The following ANKS1B variants were observed in gnomAD, a reference collection of about 807,000 sequenced individuals.
ANKS1B encodes ankyrin repeat and sterile alpha motif domain containing 1B, also known as ankyrin repeat and sterile alpha motif domain-containing protein 1B.
In ANKS1B, 36 loss-of-function variants were observed where a neutral mutation model predicts 148.3. That is an observed-to-expected ratio of 0.24 (90% CI 0.19 to 0.32). The LOEUF (loss-of-function observed/expected upper bound fraction) is 0.32, where lower values mean the gene tolerates loss of function less well. ANKS1B is among the 10% of genes least tolerant of loss of function. The pLI is 1.00. For missense variants in ANKS1B, 1,157 were observed against 1,542.6 expected, an observed-to-expected ratio of 0.75 and a Z score of 4.19; for synonymous variants, 542 against 560.8, an observed-to-expected ratio of 0.97 and a Z score of 0.47.
At chr12:98,992,574 T>G (rs1403765641) in intron 17 of ANKS1B, among the ~76,000 whole-genome samples, 5 of 152,230 alleles carry the variant, frequency 3.3e-5, no homozygotes, top group African/African-American at 1.2e-4. Context: ...CCTTCTGCTA[T>G]GATTGTAAGT....
chr12:99,943,170 A>C (rs1318423818), intron 1 of ANKS1B, among the ~76,000 whole-genome samples: 1 of 152,304 alleles, frequency 6.6e-6, no homozygotes, highest in Non-Finnish European at 1.5e-5. Context: ...CTCTGATCAA[A>C]CCACATCTGA....
intron 9 of ANKS1B, among the ~76,000 whole-genome samples, chr12:99,551,563 GGGAGGGGAGA>G: frequency 6.9e-6 from 1 of 145,058 alleles, no homozygotes; most frequent in African/African-American, 2.6e-5. Flanking sequence ...GGGAGGGGAG[GGGAGGGGAGA>G]GGAAGAATAC....
intron 1 of ANKS1B, among the ~76,000 whole-genome samples, chr12:99,828,300 T>G (rs998439607): frequency 5.9e-5 from 9 of 152,158 alleles, no homozygotes; most frequent in African/African-American, 2.2e-4. Flanking sequence ...ACTTCTGTGA[T>G]GTAAATACTT....
intron 14 of ANKS1B, among the ~76,000 whole-genome samples, chr12:99,194,361 C>T (rs908549789): frequency 2.6e-5 from 4 of 152,026 alleles, no homozygotes; most frequent in Admixed American, 1.3e-4. Context: ...TGAGGGGTCA[C>T]AGATGTGCTG....
At chr12:99,420,690 A>G (rs2152710293) in intron 11 of ANKS1B, among the ~76,000 whole-genome samples, 1 of 152,342 alleles carries the variant, frequency 6.6e-6, no homozygotes, top group South Asian at 2.1e-4. Flanking sequence ...GTATAAGTAT[A>G]TAAAGCAAGT....
intron 17 of ANKS1B, among the ~76,000 whole-genome samples, chr12:98,970,095 CCT>C (rs745853573): frequency 3.5e-4 from 53 of 152,252 alleles, no homozygotes; most frequent in Non-Finnish European, 5.1e-4. Context: ...GTTACTGCCC[CCT>C]GTTTCTCTAA....
intron 1 of ANKS1B, among the ~76,000 whole-genome samples, chr12:99,915,448 C>T (rs968687075): frequency 1.8e-4 from 27 of 152,096 alleles, no homozygotes; most frequent in African/African-American, 6.5e-4. Flanking sequence ...TGGAGGCAAT[C>T]TCTGGTGATT....
chr12:99,350,544 A>G (rs1413907085), intron 12 of ANKS1B, among the ~76,000 whole-genome samples: 1 of 152,092 alleles, frequency 6.6e-6, no homozygotes, highest in Non-Finnish European at 1.5e-5. Flanking sequence ...AGAAGCTGCT[A>G]AAAATTAGTA....
intron 17 of ANKS1B, among the ~76,000 whole-genome samples, chr12:98,906,276 T>C (rs1269830303): frequency 6.6e-6 from 1 of 152,192 alleles, no homozygotes; most frequent in African/African-American, 2.4e-5. Flanking sequence ...AGGTCTGCTA[T>C]ATTGAAATGT....
intron 15 of ANKS1B, among the ~76,000 whole-genome samples, chr12:99,136,180 T>C (rs2067984318): frequency 1.3e-5 from 2 of 152,212 alleles, no homozygotes; most frequent in Non-Finnish European, 2.9e-5. Flanking sequence ...GGTGTAACCA[T>C]CATTATCATG....
chr12:98,932,768 A>T (rs2099814849), intron 17 of ANKS1B, among the ~76,000 whole-genome samples: 1 of 152,200 alleles, frequency 6.6e-6, no homozygotes, highest in Admixed American at 6.6e-5. Context: ...AAATAAGAAT[A>T]AATTGATTTT....
rs749925621 is a variant in ANKS1B at position 99,806,486 on chromosome 12, G to A, written c.587C>T (p.Thr196Met). Residue 196 changes from threonine (T) to methionine (M), a missense_variant, in exon 4 of 27, where the codon ACG becomes ATG. This residue lies in a region of ANKS1B where 26 missense variants were observed against 83.4 expected (regional missense o/e 0.31). Transcript: ENST00000683438. ...NLMSCNTRKH[T>M]PLHLAARNGH... ...ATTGCGCGCAGCAAGGTGAAGTGGCGTGTGCTTGCGAGTGTTGCAGCTCAT... is the reference window on the plus strand; with the variant it reads ...ATTGCGCGCAGCAAGGTGAAGTGGCATGTGCTTGCGAGTGTTGCAGCTCAT... 1 of 1,613,958 alleles carries A rather than the reference G, an allele frequency of 6.2e-7. No homozygotes were observed. The highest frequency in any genetic ancestry group is 1.7e-5 in the Admixed American group (1 of 60,018).
At chr12:99,470,610 C>G (rs182825165) in intron 10 of ANKS1B, among the ~76,000 whole-genome samples, 69 of 152,182 alleles carry the variant, frequency 4.5e-4, no homozygotes, top group African/African-American at 1.6e-3. Flanking sequence ...TAGATTACTT[C>G]TTTTATATGC....
At chr12:99,285,791 A>T (rs995924667) in intron 12 of ANKS1B, among the ~76,000 whole-genome samples, 1 of 151,980 alleles carries the variant, frequency 6.6e-6, no homozygotes, top group Non-Finnish European at 1.5e-5. Flanking sequence ...TTTGCACTGA[A>T]ATTCAGTGCT....
At chr12:99,490,691 G>A (rs2096546428) in intron 10 of ANKS1B, among the ~76,000 whole-genome samples, 1 of 152,106 alleles carries the variant, frequency 6.6e-6, no homozygotes, top group South Asian at 2.1e-4. Context: ...TATAATCAAG[G>A]TAAAATTGTT....
intron 15 of ANKS1B, among the ~76,000 whole-genome samples, chr12:99,109,299 A>G (rs2059827468): frequency 6.6e-6 from 1 of 152,202 alleles, no homozygotes; most frequent in Admixed American, 6.5e-5. Context: ...GCTGGCTACT[A>G]GTTACCTTGC....
At chr12:99,601,116 T>C (rs1275168609) in intron 9 of ANKS1B, among the ~76,000 whole-genome samples, 1 of 152,104 alleles carries the variant, frequency 6.6e-6, no homozygotes, top group African/African-American at 2.4e-5. Context: ...ATATGTTATA[T>C]GCCTCTAACA....
rs145687527 is a variant in ANKS1B, at chr12:98,909,450, C to G, written c.2779-77314G>C. Among the ~76,000 whole-genome samples, 717 of 152,318 alleles carry G rather than the reference C, an allele frequency of 4.7e-3. 19 individuals are homozygous for G. Among genetic ancestry groups the G allele is most frequent in the Non-Finnish European group, 1.9e-3 (131 of 68,022 alleles). ...TCACACAGCTAGTAAGCAGCAAAAA[C>G]AGACATTCATGTTCCATACACAATG... On this transcript the variant is annotated intron_variant, in intron 17 of 26. Coordinates refer to ENST00000683438, the MANE Select transcript of ANKS1B (RefSeq NM_001352186.2).
intron 3 of ANKS1B, among the ~76,000 whole-genome samples, chr12:99,810,324 T>C (rs2068182153): frequency 6.6e-6 from 1 of 152,026 alleles, no homozygotes; most frequent in South Asian, 2.1e-4. Flanking sequence ...AAATGCTAAT[T>C]ACCATTTTTA....
Sources: gnomAD v4.1 joint callset for allele counts (sites outside exome capture counted in the v4.1 genomes callset) on GRCh38, gnomAD v4.1.1 for gene constraint, gnomAD v4.1.1 regional missense constraint, MANE v1.5 for transcripts, NCBI Gene and HGNC (gene_info 2026-07-23, HGNC 2026-07-21) for gene names.